EEFSEC: variants seen among roughly 807,000 people sequenced by gnomAD.
The protein encoded by EEFSEC is eukaryotic elongation factor, selenocysteine-tRNA specific, also known as selenocysteine-specific elongation factor.
Under a neutral mutation model 42.1 loss-of-function variants are expected in EEFSEC, and 43 were observed. That is an observed-to-expected ratio of 1.02 (90% CI 0.80 to 1.32). The LOEUF (loss-of-function observed/expected upper bound fraction) is 1.32. Among genes scored for constraint, EEFSEC ranks in the 40% most tolerant of loss-of-function variants. The pLI, the probability that EEFSEC is intolerant of heterozygous loss-of-function variation, is 0.00. For synonymous variants in EEFSEC, 354 were observed against 339.1 expected, an observed-to-expected ratio of 1.04 and a Z score of -0.48; for missense variants, 745 against 803.6, an observed-to-expected ratio of 0.93 and a Z score of 0.88.
chr3:128,235,387 A>T (rs2065998075), intron 1 of EEFSEC, among the ~76,000 whole-genome samples: 1 of 152,180 alleles, frequency 6.6e-6, no homozygotes, highest in African/African-American at 2.4e-5. Flanking sequence ...TACTTTTAAA[A>T]ATAAATTGCT....
At chr3:128,354,086 G>A (rs145866233) in intron 5 of EEFSEC, among the ~76,000 whole-genome samples, 4 of 152,262 alleles carry the variant, frequency 2.6e-5, no homozygotes, top group African/African-American at 9.6e-5. Flanking sequence ...GATCCACCCA[G>A]CTGCTGTGAA....
intron 5 of EEFSEC, among the ~76,000 whole-genome samples, chr3:128,355,407 G>T (rs1449894403): frequency 6.6e-6 from 1 of 152,064 alleles, no homozygotes; most frequent in Non-Finnish European, 1.5e-5. Flanking sequence ...GCTGGGACTA[G>T]CATTACAGGA....
At chr3:128,324,033 C>T (rs567030406) in intron 4 of EEFSEC, among the ~76,000 whole-genome samples, 28 of 152,270 alleles carry the variant, frequency 1.8e-4, no homozygotes, top group East Asian at 1.2e-3. Context: ...GAAGGAGGCA[C>T]GTGTAGCCAT....
intron 5 of EEFSEC, among the ~76,000 whole-genome samples, chr3:128,350,524 T>C (rs1035580686): frequency 1.3e-5 from 2 of 152,204 alleles, no homozygotes; most frequent in Admixed American, 6.5e-5. Context: ...AGGGAGATGA[T>C]CAAATGGCTG....
chr3:128,272,071 G>A (rs1188495357), intron 4 of EEFSEC, among the ~76,000 whole-genome samples: 3 of 152,202 alleles, frequency 2.0e-5, no homozygotes, highest in Non-Finnish European at 2.9e-5. Flanking sequence ...GGCTGGAGAC[G>A]TCTGGATGTC....
chr3:128,384,955 CCT>C (rs1280115616), intron 6 of EEFSEC, among the ~76,000 whole-genome samples: 1 of 152,174 alleles, frequency 6.6e-6, no homozygotes, highest in Non-Finnish European at 1.5e-5. Flanking sequence ...CTGCTATCTC[CCT>C]GGAAGTCCAT....
At chr3:128,302,645 A>G (rs905334896) in intron 4 of EEFSEC, among the ~76,000 whole-genome samples, 3 of 152,092 alleles carry the variant, frequency 2.0e-5, no homozygotes, top group African/African-American at 7.2e-5. Context: ...AGTTATATAT[A>G]TGGTTGGGAA....
At position 128,341,532 on chromosome 3, in the gene EEFSEC, T is replaced by C; in HGVS notation, c.1086T>C (p.Pro362=). ...SPAPDNFDQE[P]ILDSFNFSQE... ...CTCCAGATAACTTTGACCAGGAGCC[T>C]ATACTGGACTCTTTCAACTTCTCTC... The change falls in exon 5 of 7, where the codon CCT becomes CCC. Residue 362 remains proline (P), a synonymous_variant. Coordinates refer to ENST00000254730, the MANE Select transcript of EEFSEC (RefSeq NM_021937.5). 6.2e-7 allele frequency: 1 copy of C among 1,614,094 alleles called. No homozygotes were observed. Among genetic ancestry groups the C allele is most frequent in the Non-Finnish European group, 8.5e-7 (1 of 1,180,038 alleles).
At chr3:128,206,721 C>T (rs1018161655) in intron 1 of EEFSEC, among the ~76,000 whole-genome samples, 3 of 152,186 alleles carry the variant, frequency 2.0e-5, no homozygotes, top group Non-Finnish European at 4.4e-5. Context: ...CATATTATTT[C>T]GATCCTCATA....
At chr3:128,235,539 A>G (rs1375889221) in intron 1 of EEFSEC, among the ~76,000 whole-genome samples, 1 of 152,342 alleles carries the variant, frequency 6.6e-6, no homozygotes, top group East Asian at 1.9e-4. Context: ...TTTTCTTCTA[A>G]AGATTCCAAA....
At chr3:128,183,977 A>T (rs570017123) in intron 1 of EEFSEC, among the ~76,000 whole-genome samples, 1 of 152,226 alleles carries the variant, frequency 6.6e-6, no homozygotes, top group African/African-American at 2.4e-5. Context: ...CAGGAACAGC[A>T]GTGCAGACCA....
chr3:128,207,581 AC>A (rs2065711777), intron 1 of EEFSEC, among the ~76,000 whole-genome samples: 1 of 151,156 alleles, frequency 6.6e-6, no homozygotes, highest in African/African-American at 2.4e-5. Flanking sequence ...ACACACACAC[AC>A]ACACACACAC....
intron 4 of EEFSEC, among the ~76,000 whole-genome samples, chr3:128,279,406 GACC>G (rs1414530772): frequency 6.6e-6 from 1 of 152,226 alleles, no homozygotes. Flanking sequence ...CAGCTGTGAT[GACC>G]ACAAGTGTCT....
chr3:128,169,230 C>G (rs1448196273), intron 1 of EEFSEC, among the ~76,000 whole-genome samples: 2 of 152,160 alleles, frequency 1.3e-5, no homozygotes, highest in African/African-American at 4.8e-5. Context: ...AACTGTGGCA[C>G]AAAAGCCCGT....
intron 1 of EEFSEC, among the ~76,000 whole-genome samples, chr3:128,201,202 A>C (rs1401660927): frequency 6.6e-6 from 1 of 152,218 alleles, no homozygotes; most frequent in African/African-American, 2.4e-5. Context: ...ATAATAAAAA[A>C]AGTGTGTGTC....
At chr3:128,295,451 C>CTTTTTTTTTTTTTT (rs201911929) in intron 4 of EEFSEC, among the ~76,000 whole-genome samples, 4 of 63,986 alleles carry the variant, frequency 6.3e-5, no homozygotes, top group East Asian at 5.9e-4. Flanking sequence ...CTTCCCCCTA[C>CTTTTTTTTTTTTTT]TTTTTTTTTT....
chr3:128,315,056 A>G (rs1576630586), intron 4 of EEFSEC, among the ~76,000 whole-genome samples: 1 of 152,318 alleles, frequency 6.6e-6, no homozygotes, highest in East Asian at 1.9e-4. Context: ...CCACACTTAC[A>G]TCAAAGAGGC....
chr3:128,314,116 C>T (rs552774580), intron 4 of EEFSEC, among the ~76,000 whole-genome samples: 2 of 152,304 alleles, frequency 1.3e-5, no homozygotes, highest in South Asian at 4.2e-4. Flanking sequence ...CTCTCCCTCT[C>T]ATTGAGGCAT....
intron 4 of EEFSEC, among the ~76,000 whole-genome samples, chr3:128,336,734 C>T (rs373537321): frequency 6.6e-6 from 1 of 152,214 alleles, no homozygotes; most frequent in Admixed American, 6.5e-5. Flanking sequence ...CCCAGTTGTT[C>T]GCTCTCATAC....
Sources: gnomAD v4.1 joint callset for allele counts (sites outside exome capture counted in the v4.1 genomes callset) on GRCh38, gnomAD v4.1.1 for gene constraint, MANE v1.5 for transcripts, NCBI Gene and HGNC (gene_info 2026-07-23, HGNC 2026-07-21) for gene names.